The following PLXDC2 variants were observed in gnomAD, a reference collection of about 807,000 sequenced individuals.
PLXDC2 encodes plexin domain containing 2, also known as plexin domain-containing protein 2.
Under a neutral mutation model 68.9 loss-of-function variants are expected in PLXDC2, and 40 were observed. The ratio of observed to expected loss-of-function variants is 0.58; its 90% CI spans 0.45 to 0.76. The LOEUF is 0.76. Among genes scored for constraint, PLXDC2 ranks in the 30% least tolerant of loss-of-function variants. The pLI, the probability that PLXDC2 is intolerant of heterozygous loss-of-function variation, is 0.00. For missense variants in PLXDC2, 644 were observed against 661.9 expected, an observed-to-expected ratio of 0.97 and a Z score of 0.30; for synonymous variants, 243 against 234.2, an observed-to-expected ratio of 1.04 and a Z score of -0.34.
At chr10:20,183,291 T>C (rs950388699) in intron 9 of PLXDC2, among the ~76,000 whole-genome samples, 70 of 152,026 alleles carry the variant, frequency 4.6e-4, no homozygotes, top group Non-Finnish European at 3.2e-4. Context: ...TGAAATCAGC[T>C]ATGGAGAGAG....
intron 2 of PLXDC2, among the ~76,000 whole-genome samples, chr10:20,029,619 T>A (rs2131666110): frequency 6.6e-6 from 1 of 152,228 alleles, no homozygotes; most frequent in African/African-American, 2.4e-5. Context: ...AACAAATACT[T>A]CTTGGGCTGC....
At chr10:20,145,706 C>T (rs372506300) in intron 5 of PLXDC2, among the ~76,000 whole-genome samples, 13 of 152,114 alleles carry the variant, frequency 8.5e-5, no homozygotes, top group Middle Eastern at 3.4e-3. Flanking sequence ...CCCACCACCA[C>T]GCCCGGCTAA....
chr10:20,236,151 A>G (rs1588535002), intron 12 of PLXDC2, among the ~76,000 whole-genome samples: 1 of 152,112 alleles, frequency 6.6e-6, no homozygotes, highest in South Asian at 2.1e-4. Context: ...TTTTTCAAAA[A>G]TAATTTCTGG....
At chr10:19,837,417 T>A (rs930533371) in intron 1 of PLXDC2, among the ~76,000 whole-genome samples, 21 of 127,004 alleles carry the variant, frequency 1.7e-4, no homozygotes, top group African/African-American at 5.0e-4. Flanking sequence ...AGAGTGTGTG[T>A]GTGTGTGTGT....
chr10:20,236,709 A>G (rs1187506550), intron 12 of PLXDC2, among the ~76,000 whole-genome samples: 1 of 151,746 alleles, frequency 6.6e-6, no homozygotes, highest in East Asian at 1.9e-4. Context: ...TCTTTTTTCA[A>G]TTTTTTTCTT....
chr10:19,869,784 T>C (rs1034780249), intron 1 of PLXDC2, among the ~76,000 whole-genome samples: 1 of 152,102 alleles, frequency 6.6e-6, no homozygotes, highest in Non-Finnish European at 1.5e-5. Context: ...ATTATTATCT[T>C]TTTAATTTTT....
intron 4 of PLXDC2, among the ~76,000 whole-genome samples, chr10:20,126,318 A>AATAC (rs372611182): frequency 7.0e-5 from 6 of 86,172 alleles, no homozygotes; most frequent in Non-Finnish European, 1.7e-4. Context: ...TACGTTATAT[A>AATAC]ATATATACAT....
chr10:20,044,214 T>TG (rs1161290042), intron 2 of PLXDC2, among the ~76,000 whole-genome samples: 20 of 6,468 alleles, frequency 3.1e-3, no homozygotes, highest in African/African-American at 0.016. Context: ...TCTCTCTGTC[T>TG]TTCTTTCTTT....
chr10:20,186,522 G>A (rs1834685246), intron 9 of PLXDC2, among the ~76,000 whole-genome samples: 2 of 151,808 alleles, frequency 1.3e-5, no homozygotes, highest in South Asian at 2.1e-4. Flanking sequence ...CAGGTACTAA[G>A]CCTACCAACC....
chr10:19,884,872 AT>A (rs1250458139), intron 1 of PLXDC2, among the ~76,000 whole-genome samples: 3 of 152,198 alleles, frequency 2.0e-5, no homozygotes, highest in African/African-American at 7.2e-5. Context: ...ATACCCAGTA[AT>A]GGGATGGCTG....
At chr10:19,980,890 C>A (rs1834540689) in intron 1 of PLXDC2, among the ~76,000 whole-genome samples, 1 of 152,154 alleles carries the variant, frequency 6.6e-6, no homozygotes, top group Non-Finnish European at 1.5e-5. Context: ...TCCATAACAT[C>A]TGGTTTTATA....
chr10:19,932,613 G>A (rs1833657721), intron 1 of PLXDC2, among the ~76,000 whole-genome samples: 1 of 152,058 alleles, frequency 6.6e-6, no homozygotes, highest in Non-Finnish European at 1.5e-5. Context: ...CATATGTACT[G>A]GCAATGGAAG....
chr10:19,972,232 G>C (rs1048092624), intron 1 of PLXDC2, among the ~76,000 whole-genome samples: 1 of 152,060 alleles, frequency 6.6e-6, no homozygotes, highest in Admixed American at 6.6e-5. Context: ...AAGGAAATGT[G>C]GTACATCTAT....
intron 9 of PLXDC2, among the ~76,000 whole-genome samples, chr10:20,182,206 C>T (rs1311880074): frequency 2.0e-5 from 3 of 151,774 alleles, no homozygotes; most frequent in Non-Finnish European, 4.4e-5. Context: ...ATCACCACAT[C>T]AAAATACAGA....
Position 19,824,977 on chromosome 10 carries a change from G to A in PLXDC2, c.112+7786G>A, listed in dbSNP as rs558636336. On this transcript the variant is annotated intron_variant, in intron 1 of 13. Transcript: ENST00000377252. ...GGTCAGACACTAAGTGACGTTACTG[G>A]ATATCCAGACTTTTAAATCTCTTCT... Among the ~76,000 whole-genome samples, 6 of 152,222 alleles carry A rather than the reference G, an allele frequency of 3.9e-5. No individual in the cohort carries two copies. In the South Asian group the frequency reaches 1.2e-3, roughly 32 times the overall value.
chr10:19,995,706 GCA>G (rs1229481256), intron 1 of PLXDC2, among the ~76,000 whole-genome samples: 2 of 152,152 alleles, frequency 1.3e-5, no homozygotes, highest in African/African-American at 4.8e-5. Flanking sequence ...ACTCTCCTCT[GCA>G]CAGTCTCACA....
intron 1 of PLXDC2, among the ~76,000 whole-genome samples, chr10:19,999,966 A>G (rs1466366328): frequency 6.6e-6 from 1 of 152,130 alleles, no homozygotes; most frequent in Non-Finnish European, 1.5e-5. Context: ...CAGCAAACCT[A>G]CTAGACAGAA....
intron 1 of PLXDC2, among the ~76,000 whole-genome samples, chr10:19,959,685 T>C (rs966782634): frequency 6.6e-6 from 1 of 152,098 alleles, no homozygotes; most frequent in Non-Finnish European, 1.5e-5. Context: ...AAACCTGGGG[T>C]CTATGTATCA....
chr10:19,868,423 C>T (rs551881867), intron 1 of PLXDC2, among the ~76,000 whole-genome samples: 2 of 152,224 alleles, frequency 1.3e-5, no homozygotes, highest in South Asian at 2.1e-4. Flanking sequence ...TCCATGTGCC[C>T]AGGAGTTCTG....
Sources: gnomAD v4.1 joint callset for allele counts (sites outside exome capture counted in the v4.1 genomes callset) on GRCh38, gnomAD v4.1.1 for gene constraint, MANE v1.5 for transcripts, NCBI Gene and HGNC (gene_info 2026-07-23, HGNC 2026-07-21) for gene names.